Variants in THAP5 observed in about 807,000 individuals in gnomAD.
The protein encoded by THAP5 is THAP domain containing 5, also known as THAP domain-containing protein 5.
Under a neutral mutation model 34.0 loss-of-function variants are expected in THAP5, and 26 were observed. The ratio of observed to expected loss-of-function variants is 0.77; its 90% CI spans 0.56 to 1.06. The LOEUF (loss-of-function observed/expected upper bound fraction) is 1.06. Among genes scored for constraint, THAP5 ranks in the 50% least tolerant of loss-of-function variants. The pLI is 0.00. For synonymous variants in THAP5, 125 were observed against 153.0 expected (o/e 0.82, Z 1.35); for missense variants, 394 against 452.8 (o/e 0.87, Z 1.18).
chr7:108,551,460 C>G (rs184077413), downstream of THAP5, among the ~76,000 whole-genome samples: 371 of 152,342 alleles, frequency 2.4e-3, no homozygotes, highest in African/African-American at 6.4e-3. Flanking sequence ...CAAGAAGGCC[C>G]TCATCAAATG....
chr7:108,544,944 C>T, the THAP5 span, among the ~76,000 whole-genome samples: 3 of 152,100 alleles, frequency 2.0e-5, no homozygotes, highest in Admixed American at 2.0e-4. Context: ...AGCCACTACG[C>T]CTGGCCTAGA....
In THAP5 at chr7:108,563,803, A is replaced by C. The variant is rs1464896384; in HGVS notation, c.*388T>G. The C allele has an allele frequency of 1.3e-5, 2 of 157,864 alleles. No homozygotes were observed. The highest frequency in any genetic ancestry group is 2.8e-5 in the Non-Finnish European group (2 of 71,910). 9.8% of individuals were successfully genotyped at this position (157,864 alleles called of 1,614,324 possible). A position where few individuals can be genotyped will look rare whatever the true frequency, so the allele number is the denominator to read the frequency against. On this transcript the variant is annotated 3_prime_UTR_variant, in exon 3 of 3. Coordinates refer to ENST00000415914, the MANE Select transcript of THAP5 (RefSeq NM_001130475.3). ...CCAATTACAAATCCAGTAAGTGCTT[A>C]TTTTACAAATTAGGGACTGAGGCAC...
chr7:108,544,127 A>G, the THAP5 span, among the ~76,000 whole-genome samples: 4 of 152,234 alleles, frequency 2.6e-5, no homozygotes, highest in Non-Finnish European at 5.9e-5. Context: ...ACTTCTCCAC[A>G]AAGAAAATTC....
At position 108,569,523 on chromosome 7, in the gene THAP5, C is replaced by G; in HGVS notation, c.47G>C (p.Arg16Pro). 1 of 1,551,790 alleles carries G rather than the reference C, an allele frequency of 6.4e-7. No homozygotes were observed. The highest frequency in any genetic ancestry group is 8.7e-7 in the Non-Finnish European group (1 of 1,147,022). Residue 16 changes from arginine to proline, a missense_variant, in exon 1 of 3, where the codon CGA (arginine) becomes CCA (proline). Transcript: ENST00000415914. ...ACTCAGCTTCCGGTCTTTATTGTTT[C>G]GTCCCCGGCGGTTCTTACAACAAAT... ...AAICCKNRRG[R>P]NNKDRKLSFY...
At chr7:108,558,303 A>C (rs1274329024), downstream of THAP5, among the ~76,000 whole-genome samples, 2 of 149,972 alleles carry the variant, frequency 1.3e-5, no homozygotes, top group Non-Finnish European at 3.0e-5. Flanking sequence ...CACTTTATTA[A>C]TCAATAAAAC....
intron 1 of THAP5, chr7:108,569,229 A>T: frequency 7.3e-7 from 1 of 1,368,206 alleles, no homozygotes; most frequent in South Asian, 1.8e-5. Flanking sequence ...AAACCACAGA[A>T]GCCCGCGCAA....
the THAP5 span, among the ~76,000 whole-genome samples, chr7:108,542,766 C>T: frequency 6.6e-6 from 1 of 151,746 alleles, no homozygotes; most frequent in Non-Finnish European, 1.5e-5. Flanking sequence ...CCTGGCCAAG[C>T]ATCTTCTGTT....
chr7:108,544,437 A>C, the THAP5 span, among the ~76,000 whole-genome samples: 532 of 152,038 alleles, frequency 3.5e-3, 3 homozygotes, highest in Non-Finnish European at 6.0e-3. Context: ...AGGCCAAGGC[A>C]AGAGAATTGC....
the THAP5 span, among the ~76,000 whole-genome samples, chr7:108,545,974 C>T: frequency 2.0e-5 from 3 of 152,096 alleles, no homozygotes; most frequent in Middle Eastern, 3.4e-3. Context: ...AGTTGAGATA[C>T]ACAGTAGGGC....
At chr7:108,548,725 G>A in the THAP5 span, among the ~76,000 whole-genome samples, 2 of 152,164 alleles carry the variant, frequency 1.3e-5, no homozygotes, top group African/African-American at 4.8e-5. Flanking sequence ...CCTTTATAAA[G>A]CCATCAGATC....
chr7:108,555,702 C>CTTT (rs11344007), intron 1 of THAP5, among the ~76,000 whole-genome samples: 10 of 128,836 alleles, frequency 7.8e-5, no homozygotes, highest in East Asian at 2.3e-4. Flanking sequence ...GCACCTTTTT[C>CTTT]TTTTTTTTTT....
the THAP5 span, among the ~76,000 whole-genome samples, chr7:108,541,977 C>T: frequency 2.6e-5 from 4 of 152,160 alleles, no homozygotes; most frequent in Non-Finnish European, 5.9e-5. Flanking sequence ...TTCAAGATGA[C>T]ATTCAATAAT....
rs567353437 is a variant in THAP5, at chr7:108,569,198, G to C, written c.80+292C>G. 64 of 1,307,354 alleles carry C rather than the reference G, an allele frequency of 4.9e-5. No individual in the cohort carries two copies. In the South Asian group the frequency reaches 1.1e-3, roughly 23 times the overall value. 81.0% of individuals were successfully genotyped at this position (1,307,354 alleles called of 1,614,324 possible). On this transcript the variant is annotated intron_variant, in intron 1 of 2. Coordinates refer to ENST00000415914, the MANE Select transcript of THAP5 (RefSeq NM_001130475.3). The stretch of plus-strand genomic sequence containing the variant: ...ATGTTGTTCAATGAAATGAGATCAC[G>C]TGAAGTGGGGAAAAGACTGAAAACC...
chr7:108,565,768 T>A, intron 2 of THAP5, 62 bp downstream of exon 2: 2 of 1,328,050 alleles, frequency 1.5e-6, no homozygotes, highest in Non-Finnish European at 2.0e-6. Flanking sequence ...TCCCACCTGA[T>A]CACCTGCCAC....
At chr7:108,543,894 A>G in the THAP5 span, among the ~76,000 whole-genome samples, 1 of 152,308 alleles carries the variant, frequency 6.6e-6, no homozygotes, top group East Asian at 1.9e-4. Flanking sequence ...TGAGCTAGGA[A>G]GTTATACAAG....
rs1054431552 is a variant in THAP5 at position 108,562,321 on chromosome 7, A to G, written c.*1870T>C. 7.9e-5 allele frequency: 12 copies of G among 152,202 alleles called. No homozygotes were observed. The highest frequency in any genetic ancestry group is 1.8e-4 in the Non-Finnish European group (12 of 68,036). 9.4% of individuals were successfully genotyped at this position (152,202 alleles called of 1,614,324 possible). The stretch of plus-strand genomic sequence containing the variant: ...GCAAAATGCAACATAGGAATACTTA[A>G]TAACACTGTAATAACTCTATCATCT... On this transcript the variant is annotated 3_prime_UTR_variant, in exon 3 of 3. Coordinates refer to ENST00000415914, the MANE Select transcript of THAP5 (RefSeq NM_001130475.3).
At chr7:108,558,617 T>G (rs911129297), downstream of THAP5, among the ~76,000 whole-genome samples, 1 of 151,560 alleles carries the variant, frequency 6.6e-6, no homozygotes, top group African/African-American at 2.4e-5. Context: ...AGGCTGGTCT[T>G]GAACTCCTGA....
chr7:108,558,401 A>G (rs1424734774), downstream of THAP5, among the ~76,000 whole-genome samples: 2 of 133,764 alleles, frequency 1.5e-5, no homozygotes, highest in South Asian at 2.2e-4. Flanking sequence ...ATATATATAT[A>G]TATATATATA....
In THAP5 at chr7:108,563,537, C is replaced by CAAAAAAA. The variant is rs869034514; in HGVS notation, c.*647_*653dup. The CAAAAAAA allele has an allele frequency of 2.2e-4, 15 of 68,444 alleles. 2 individuals are homozygous for CAAAAAAA. Among genetic ancestry groups the CAAAAAAA allele is most frequent in the Admixed American group, 4.0e-4 (2 of 4,960 alleles). The allele number at this position is 68,444 out of a possible 1,614,324, so 4.2% of individuals were successfully genotyped here. The stretch of plus-strand genomic sequence containing the variant: ...TGGGTTACAGAGTGAGACTCCATCT[C>CAAAAAAA]AAAAAAAAAAAAAAAAAAAAAAAAA... On this transcript the variant is annotated 3_prime_UTR_variant, in exon 3 of 3. Transcript: ENST00000415914.
Sources: allele counts gnomAD v4.1 joint callset (sites outside exome capture counted in the v4.1 genomes callset), GRCh38; gene constraint gnomAD v4.1.1; transcripts MANE v1.5; gene names NCBI Gene and HGNC (gene_info 2026-07-23, HGNC 2026-07-21).